Variants in UTP4 observed in about 807,000 individuals in gnomAD.
UTP4 encodes the protein UTP4 small subunit processome component, also known as U3 small nucleolar RNA-associated protein 4 homolog.
In UTP4, 45 loss-of-function variants were observed where a neutral mutation model predicts 82.4. That is an observed-to-expected ratio of 0.55 (90% confidence interval 0.43 to 0.70). The LOEUF (loss-of-function observed/expected upper bound fraction) is 0.70, where lower values mean the gene tolerates loss of function less well. Among genes scored for constraint, UTP4 ranks in the 30% least tolerant of loss-of-function variants. The pLI is 0.00. For synonymous variants in UTP4, 348 were observed against 300.3 expected (o/e 1.16, Z -1.64); for missense variants, 819 against 858.3 (o/e 0.95, Z 0.57).
At chr16:69,148,713 G>A (rs1963185539) in intron 6 of UTP4, among the ~76,000 whole-genome samples, 1 of 151,238 alleles carries the variant, frequency 6.6e-6, no homozygotes, top group African/African-American at 2.4e-5. Flanking sequence ...CCAGGCTCGA[G>A]CAATCCTACC....
intron 5 of UTP4, among the ~76,000 whole-genome samples, chr16:69,141,513 GT>G (rs1191995266): frequency 1.3e-5 from 2 of 152,090 alleles, no homozygotes; most frequent in Non-Finnish European, 2.9e-5. Flanking sequence ...CTTTTAGGAT[GT>G]TTTATCCTTA....
chr16:69,147,178 A>AAATAATAATAAT lies in UTP4; in HGVS notation c.739-3326_739-3315dup, dbSNP rs59985843. 6.3e-4 allele frequency among the ~76,000 whole-genome samples: 83 copies of AAATAATAATAAT among 132,504 alleles called. No individual in the cohort carries two copies. The Middle Eastern group carries it at 0.012, about 19-fold the overall frequency. The allele number at this position is 132,504 out of a possible 152,430, so 86.9% of individuals were successfully genotyped here. On this transcript the variant is annotated intron_variant, in intron 6 of 16. Transcript: ENST00000314423. Reference sequence around the variant, plus strand: ...GTCAACAGAGTGCAACTCCAGCTCAAAATAATAATAATAATAATAATAATA... The same window carrying AAATAATAATAAT: ...GTCAACAGAGTGCAACTCCAGCTCAAAATAATAATAATAATAATAATAATAATAATAATAATA...
At chr16:69,168,717 A>G in intron 16 of UTP4, 104 bp from the exon 17 acceptor site, 1 of 808,968 alleles carries the variant, frequency 1.2e-6, no homozygotes, top group Non-Finnish European at 2.2e-6. Flanking sequence ...TGAGCCTTGA[A>G]CTAGGCTAAC....
chr16:69,167,222 T>C lies in UTP4; in HGVS notation c.1944+37T>C, dbSNP rs771603030. The C allele has an allele frequency of 6.1e-6, 8 of 1,318,638 alleles. No homozygotes were observed. The African/African-American group carries it at 1.2e-4, about 19-fold the overall frequency. 81.7% of individuals were successfully genotyped at this position (1,318,638 alleles called of 1,614,324 possible). ...TGTGTTGTTATTCTGGATAGTTGGT[T>C]CCTTTGTGATACCAAAATGTAATAA... On this transcript the variant is annotated intron_variant, in intron 16 of 16. Coordinates refer to ENST00000314423, the MANE Select transcript of UTP4 (RefSeq NM_032830.3).
chr16:69,160,518 C>T (rs192780058), intron 13 of UTP4, 56 bp downstream of exon 13: 3 of 1,254,758 alleles, frequency 2.4e-6, no homozygotes, highest in African/African-American at 2.9e-5. Context: ...GCCAGTTCAC[C>T]CTGCAGTTAC....
intron 2 of UTP4, among the ~76,000 whole-genome samples, chr16:69,136,092 C>T (rs540600541): frequency 1.3e-5 from 2 of 152,226 alleles, no homozygotes; most frequent in East Asian, 3.8e-4. Flanking sequence ...CCTTCATTTG[C>T]CTCATGCAAT....
Position 69,159,233 on chromosome 16 carries a change from C to T in UTP4, c.1445-1123C>T, listed in dbSNP as rs185499655. Among the ~76,000 whole-genome samples the T allele has an allele frequency of 2.7e-3, 408 of 152,060 alleles. 1 individual carries two copies. Among genetic ancestry groups the T allele is most frequent in the African/African-American group, 9.3e-3 (385 of 41,490 alleles). On this transcript the variant is annotated intron_variant, in intron 12 of 16. Coordinates refer to ENST00000314423, the MANE Select transcript of UTP4 (RefSeq NM_032830.3). ...CTGGGATTACAGGCACCCACAACCA[C>T]GCCCAGCTATTTTTTTTTTGTACTC...
Position 69,133,458 on chromosome 16 carries a change from G to A in UTP4, c.-2G>A. On this transcript the variant is annotated splice_region_variant and 5_prime_UTR_variant, in exon 2 of 17. Coordinates refer to ENST00000314423, the MANE Select transcript of UTP4 (RefSeq NM_032830.3). Reference sequence around the variant, plus strand: ...TAATGACTCTCTTTTCGCCCCCTAGGAATGGGTGAATTTAAGGTCCATCGA... The same window carrying A: ...TAATGACTCTCTTTTCGCCCCCTAGAAATGGGTGAATTTAAGGTCCATCGA... The A allele has an allele frequency of 6.2e-7, 1 of 1,614,100 alleles. No individual in the cohort carries two copies. The highest frequency in any genetic ancestry group is 1.1e-5 in the South Asian group (1 of 91,068).
chr16:69,150,883 C>T lies in UTP4; in HGVS notation c.981C>T (p.Leu327=), dbSNP rs1567606886. The part of the protein sequence containing the change: ...KVEVKNYDAA[L]RKITFPHRCL... ...AAGTAAAGAATTACGATGCCGCTCTCCGAAAAATCACCTTTCCCCACGTAA... is the reference window on the plus strand; with the variant it reads ...AAGTAAAGAATTACGATGCCGCTCTTCGAAAAATCACCTTTCCCCACGTAA... Residue 327 remains leucine (L), a synonymous_variant, in exon 8 of 17, where the codon CTC becomes CTT. Transcript: ENST00000314423. 2 of 1,613,902 alleles carry T rather than the reference C, an allele frequency of 1.2e-6. No individual in the cohort carries two copies. The highest frequency in any genetic ancestry group is 1.7e-6 in the Non-Finnish European group (2 of 1,179,932).
chr16:69,146,096 CAA>C (rs759547632), intron 6 of UTP4, among the ~76,000 whole-genome samples: 13 of 103,326 alleles, frequency 1.3e-4, no homozygotes, highest in Non-Finnish European at 1.2e-4. Context: ...GACTCTGTCT[CAA>C]AAAAAAAAAA....
rs140751063 is a variant in UTP4, at chr16:69,132,762, C to A, written c.-3+73C>A. 3.9e-3 allele frequency: 917 copies of A among 233,522 alleles called. 4 individuals are homozygous for A. The highest frequency in any genetic ancestry group is 0.013 in the South Asian group (358 of 28,300). 14.5% of individuals were successfully genotyped at this position (233,522 alleles called of 1,614,324 possible). On this transcript the variant is annotated intron_variant, in intron 1 of 16. Coordinates refer to ENST00000314423, the MANE Select transcript of UTP4 (RefSeq NM_032830.3). ...TCTTACAAGGTGGCCGGCCCAGGGTCGGCGTCCGGCTGAGCTCCTTGTCCC... is the reference window on the plus strand; with the variant it reads ...TCTTACAAGGTGGCCGGCCCAGGGTAGGCGTCCGGCTGAGCTCCTTGTCCC...
intron 1 of UTP4, among the ~76,000 whole-genome samples, 181 bp from the exon 2 acceptor site, chr16:69,133,277 C>A (rs1962697279): frequency 6.6e-6 from 1 of 151,834 alleles, no homozygotes; most frequent in East Asian, 1.9e-4. Context: ...TCAAGCCATT[C>A]TGAGCTTTTG....
At chr16:69,140,008 ACCTTTATGG>A in intron 5 of UTP4, 94 bp downstream of exon 5, 1 of 880,724 alleles carries the variant, frequency 1.1e-6, no homozygotes. Flanking sequence ...TGGTTTCATG[ACCTTTATGG>A]CCTAACATGT....
intron 15 of UTP4, chr16:69,166,190 C>A: frequency 5.9e-6 from 1 of 168,272 alleles, no homozygotes; most frequent in Non-Finnish European, 1.3e-5. Context: ...GCATTGTGGC[C>A]ATGCCTGTCC....
intron 6 of UTP4, among the ~76,000 whole-genome samples, chr16:69,149,019 G>A (rs1963192640): frequency 6.6e-6 from 1 of 151,746 alleles, no homozygotes; most frequent in Non-Finnish European, 1.5e-5. Flanking sequence ...GCTGAGGCGG[G>A]CGGATCACCT....
At chr16:69,150,059 C>A (rs140930463) in intron 6 of UTP4, among the ~76,000 whole-genome samples, 9 of 152,026 alleles carry the variant, frequency 5.9e-5, no homozygotes, top group African/African-American at 1.9e-4. Flanking sequence ...ATGAAATAAA[C>A]GTTATTAAGA....
chr16:69,160,543 A>G, intron 13 of UTP4, 81 bp downstream of exon 13: 1 of 969,244 alleles, frequency 1.0e-6, no homozygotes, highest in Admixed American at 1.7e-5. Flanking sequence ...TTCAAGGCAG[A>G]TTGGCATGAC....
chr16:69,150,163 C>T (rs530363641), intron 6 of UTP4, among the ~76,000 whole-genome samples: 3 of 152,252 alleles, frequency 2.0e-5, no homozygotes, highest in East Asian at 3.9e-4. Context: ...GTTAAATATT[C>T]GTATTAAATA....
At chr16:69,151,726 C>T (rs1447861288) in intron 8 of UTP4, among the ~76,000 whole-genome samples, 2 of 151,736 alleles carry the variant, frequency 1.3e-5, no homozygotes, top group African/African-American at 4.8e-5. Flanking sequence ...ACTGCAAAGA[C>T]ATTTATGGGG....
Sources: allele counts gnomAD v4.1 joint callset (sites outside exome capture counted in the v4.1 genomes callset), GRCh38; gene constraint gnomAD v4.1.1; transcripts MANE v1.5; gene names NCBI Gene and HGNC (gene_info 2026-07-23, HGNC 2026-07-21).